DSCAML1: variants seen among roughly 807,000 people sequenced by gnomAD.
DSCAML1 encodes cell adhesion molecule DSCAML1.
DSCAML1 carries 38 observed loss-of-function variants against 200.5 expected under a neutral mutation model. That is an observed-to-expected ratio of 0.19 (90% CI 0.15 to 0.25). The LOEUF is 0.25. DSCAML1 is among the 10% of genes least tolerant of loss of function. DSCAML1 has a pLI of 1.00. For synonymous variants in DSCAML1, 1,215 were observed against 1,165.0 expected, an observed-to-expected ratio of 1.04 and a Z score of -0.87; for missense variants, 2,223 against 2,858.8, an observed-to-expected ratio of 0.78 and a Z score of 5.07.
chr11:117,488,964 A>G (rs571946399), intron 11 of DSCAML1, among the ~76,000 whole-genome samples: 11 of 152,380 alleles, frequency 7.2e-5, no homozygotes, highest in Admixed American at 6.5e-4. Context: ...CTGACAAAGC[A>G]GGCCCTGAGC....
rs114503557 is a variant in DSCAML1, at chr11:117,438,533, A to G, written c.4243+352T>C. 6.6e-3 allele frequency among the ~76,000 whole-genome samples: 1,004 copies of G among 152,154 alleles called. 10 individuals carry two copies. The highest frequency in any genetic ancestry group is 0.023 in the African/African-American group (959 of 41,506). Reference sequence around the variant, plus strand: ...GCCCAGAGCGCTGAGTCAGAACTGCATTGTTACAAGGCCCCTTGGTGACGC... The same window carrying G: ...GCCCAGAGCGCTGAGTCAGAACTGCGTTGTTACAAGGCCCCTTGGTGACGC... On this transcript the variant is annotated intron_variant, in intron 24 of 32. Transcript: ENST00000651296.
Position 117,428,373 on chromosome 11 carries a change from C to T in DSCAML1, c.6117G>A (p.Gln2039=). Residue 2039 remains glutamine, a synonymous_variant, in exon 33 of 33, where the codon CAG becomes CAA. Coordinates refer to ENST00000651296, the MANE Select transcript of DSCAML1 (RefSeq NM_020693.4). ...EMSTSGVGRS[Q]KQGAGAYSKS... is the part of the protein sequence containing the mutation. Reference sequence around the variant, plus strand: ...TGGAGTAGGCCCCGGCCCCCTGCTTCTGAGACCTCCCTACCCCCGATGTGC... The same window carrying T: ...TGGAGTAGGCCCCGGCCCCCTGCTTTTGAGACCTCCCTACCCCCGATGTGC... The T allele has an allele frequency of 6.3e-7, 1 of 1,592,940 alleles. No homozygotes were observed. Among genetic ancestry groups the T allele is most frequent in the South Asian group, 1.1e-5 (1 of 88,626 alleles).
At chr11:117,735,494 CA>C (rs1167879091) in intron 3 of DSCAML1, among the ~76,000 whole-genome samples, 1 of 151,976 alleles carries the variant, frequency 6.6e-6, no homozygotes, top group African/African-American at 2.4e-5. Context: ...CTGGGCGGGG[CA>C]GGGGTGGGCG....
Position 117,684,435 on chromosome 11 carries a change from T to TAAAAAAAAAAA in DSCAML1, c.511+92345_511+92355dup, listed in dbSNP as rs149958154. Among the ~76,000 whole-genome samples the TAAAAAAAAAAA allele has an allele frequency of 2.3e-3, 172 of 74,490 alleles. 1 individual carries two copies. Among genetic ancestry groups the TAAAAAAAAAAA allele is most frequent in the Non-Finnish European group, 3.0e-3 (109 of 35,808 alleles). The allele number at this position is 74,490 out of a possible 152,430, so 48.9% of individuals were successfully genotyped here. ...CAAACTGTTCACACATTTCATTAAC[T>TAAAAAAAAAAA]AAAAAAAAAAAAAAAAAAAAAAAAA... On this transcript the variant is annotated intron_variant, in intron 3 of 32. Coordinates refer to ENST00000651296, the MANE Select transcript of DSCAML1 (RefSeq NM_020693.4).
At chr11:117,540,934 T>G (rs2050257526) in intron 3 of DSCAML1, among the ~76,000 whole-genome samples, 1 of 152,220 alleles carries the variant, frequency 6.6e-6, no homozygotes, top group African/African-American at 2.4e-5. Flanking sequence ...AAGAAACCCT[T>G]GGCTGAGATA....
At position 117,463,495 on chromosome 11, in the gene DSCAML1, A is replaced by G. The variant is rs1030799044; in HGVS notation, c.3265+1447T>C. ...AAGCTCTGGGGGTTGGAGCCCAGCA[A>G]CCTACATTTCCTAGACCTCCAGGAG... is the stretch of plus-strand genomic sequence containing the variant. On this transcript the variant is annotated intron_variant, in intron 17 of 32. Coordinates refer to ENST00000651296, the MANE Select transcript of DSCAML1 (RefSeq NM_020693.4). This position sits in a 1 kb window ranked among gnomAD's most constrained non-coding sequence, Gnocchi z 4.0. Among the ~76,000 whole-genome samples the G allele has an allele frequency of 6.6e-6, 1 of 151,976 alleles. No individual in the cohort carries two copies. The highest frequency in any genetic ancestry group is 2.4e-5 in the African/African-American group (1 of 41,364).
chr11:117,636,959 C>G (rs1434474619), intron 3 of DSCAML1, among the ~76,000 whole-genome samples: 1 of 152,134 alleles, frequency 6.6e-6, no homozygotes, highest in Non-Finnish European at 1.5e-5. Context: ...ATAAAATACA[C>G]CCTGTTCATG....
upstream of DSCAML1, chr11:117,801,323 CT>C (rs2055655129): frequency 6.6e-6 from 1 of 152,264 alleles, no homozygotes; most frequent in Non-Finnish European, 1.5e-5. Context: ...ACCAAGATCC[CT>C]TCCTAGGACC....
intron 20 of DSCAML1, among the ~76,000 whole-genome samples, chr11:117,444,792 T>G (rs1423414000): frequency 6.6e-6 from 1 of 152,148 alleles, no homozygotes; most frequent in Non-Finnish European, 1.5e-5. Context: ...GATATTGAAA[T>G]GAATTTGAGA....
intron 3 of DSCAML1, among the ~76,000 whole-genome samples, chr11:117,675,198 CT>C (rs1417793683): frequency 1.3e-5 from 2 of 152,238 alleles, no homozygotes; most frequent in African/African-American, 4.8e-5. Flanking sequence ...TATAATTCTA[CT>C]CAGGGATAGT....
In DSCAML1 at chr11:117,503,988, G is replaced by A. The variant is rs763992966; in HGVS notation, c.2216C>T (p.Pro739Leu). Residue 739 changes from proline to leucine, a missense_variant, in exon 11 of 33, where the codon CCC becomes CTC. By Grantham distance (98) the Pro-to-Leu change is moderately conservative. This residue lies in a region of DSCAML1 where 212 missense variants were observed against 368.0 expected (regional missense o/e 0.58). Coordinates refer to ENST00000651296, the MANE Select transcript of DSCAML1 (RefSeq NM_020693.4). This position sits in a 1 kb window ranked among gnomAD's most constrained non-coding sequence, Gnocchi z 5.2. The stretch of plus-strand genomic sequence containing the variant: ...CAGGATCTGGATGCGGCCAGTGAGG[G>A]GCACAGGGTGGTACTGCTGGGGGTT... ...SGNPQQYHPV[P>L]LTGRIQILPN... 3.0e-5 allele frequency: 48 copies of A among 1,614,048 alleles called. No homozygotes were observed. Among genetic ancestry groups the A allele is most frequent in the African/African-American group, 2.7e-5 (2 of 74,926 alleles).
At chr11:117,515,610 CTTTTTTTTTTT>C (rs56765238) in intron 8 of DSCAML1, among the ~76,000 whole-genome samples, 6 of 65,122 alleles carry the variant, frequency 9.2e-5, no homozygotes, top group Non-Finnish European at 1.6e-4. Context: ...AGGGACGAAG[CTTTTTTTTTTT>C]TTTTTTTTTT....
At chr11:117,472,301 T>G (rs192030184) in intron 14 of DSCAML1, among the ~76,000 whole-genome samples, 2 of 152,194 alleles carry the variant, frequency 1.3e-5, no homozygotes, top group Admixed American at 1.3e-4. Context: ...GGACGAGACG[T>G]TCCCCAAGGT....
intron 6 of DSCAML1, among the ~76,000 whole-genome samples, chr11:117,520,808 T>C (rs926322617): frequency 6.9e-6 from 1 of 145,432 alleles, no homozygotes; most frequent in Non-Finnish European, 1.6e-5. Context: ...TCCCTGCCCG[T>C]AGTCACAGCT....
intron 1 of DSCAML1, among the ~76,000 whole-genome samples, chr11:117,816,799 G>GGGGGC (rs971680191): frequency 4.5e-5 from 4 of 89,834 alleles, no homozygotes; most frequent in Non-Finnish European, 5.0e-5. Context: ...CGGAATTGCT[G>GGGGGC]GGGGGGTGGG....
chr11:117,533,339 C>A (rs1279504131), intron 3 of DSCAML1, among the ~76,000 whole-genome samples: 2 of 152,168 alleles, frequency 1.3e-5, no homozygotes, highest in Non-Finnish European at 2.9e-5. Flanking sequence ...AGTAAAGTAA[C>A]TGGCCCAGGT....
intron 32 of DSCAML1, among the ~76,000 whole-genome samples, chr11:117,429,555 G>A (rs1236424135): frequency 6.6e-6 from 1 of 152,134 alleles, no homozygotes; most frequent in Non-Finnish European, 1.5e-5. Context: ...TATTTTTTTA[G>A]TAGAGATGGG....
At chr11:117,730,448 G>A (rs951653014) in intron 3 of DSCAML1, among the ~76,000 whole-genome samples, 7 of 152,142 alleles carry the variant, frequency 4.6e-5, no homozygotes, top group African/African-American at 9.7e-5. Flanking sequence ...TCTGACCTCC[G>A]GAACTGTGTG....
intron 3 of DSCAML1, among the ~76,000 whole-genome samples, chr11:117,630,658 CAAAAAA>C (rs56741831): frequency 8.8e-5 from 4 of 45,592 alleles, no homozygotes; most frequent in African/African-American, 1.5e-4. Context: ...ATAAAGTGGC[CAAAAAA>C]AAAAAAAAAA....
Sources: gnomAD v4.1 joint callset for allele counts (sites outside exome capture counted in the v4.1 genomes callset) on GRCh38, gnomAD v4.1.1 for gene constraint, gnomAD v4.1.1 regional missense constraint, Gnocchi (gnomAD v3.1) non-coding constraint, MANE v1.5 for transcripts, NCBI Gene and HGNC (gene_info 2026-07-23, HGNC 2026-07-21) for gene names.